Variants in ANKRD6 observed in about 807,000 individuals in gnomAD.
ANKRD6 encodes ankyrin repeat domain 6, also known as ankyrin repeat domain-containing protein 6.
In ANKRD6, 56 loss-of-function variants were observed where a neutral mutation model predicts 82.3. That is an observed-to-expected ratio of 0.68 (90% confidence interval 0.55 to 0.85). The LOEUF is 0.85. Among genes scored for constraint, ANKRD6 ranks in the 40% least tolerant of loss-of-function variants. The pLI is 0.00. For missense variants in ANKRD6, 852 were observed against 907.6 expected (o/e 0.94, Z 0.79); for synonymous variants, 347 against 352.1 (o/e 0.99, Z 0.16).
chr6:89,623,343 TG>T, intron 10 of ANKRD6, 66 bp from the exon 11 acceptor site: 1 of 1,526,752 alleles, frequency 6.5e-7, no homozygotes, highest in Non-Finnish European at 8.8e-7. Context: ...AAAGAATATT[TG>T]ACCATATTAG....
chr6:89,537,943 C>T (rs1784046287), intron 1 of ANKRD6, among the ~76,000 whole-genome samples: 1 of 149,836 alleles, frequency 6.7e-6, no homozygotes, highest in African/African-American at 2.5e-5. Flanking sequence ...ATGGACTTTA[C>T]ATGCCAATCC....
At chr6:89,492,624 G>A (rs1158485435) in intron 1 of ANKRD6, among the ~76,000 whole-genome samples, 1 of 152,118 alleles carries the variant, frequency 6.6e-6, no homozygotes, top group South Asian at 2.1e-4. Flanking sequence ...ATATATTTTT[G>A]TGGCATTTTA....
intron 1 of ANKRD6, among the ~76,000 whole-genome samples, chr6:89,504,159 G>A (rs1217042116): frequency 6.7e-6 from 1 of 150,276 alleles, no homozygotes; most frequent in Non-Finnish European, 1.5e-5. Context: ...AAGGAAGAAC[G>A]GAAACAGAAA....
intron 1 of ANKRD6, among the ~76,000 whole-genome samples, chr6:89,558,894 T>C (rs1013237597): frequency 1.3e-5 from 2 of 151,850 alleles, no homozygotes; most frequent in African/African-American, 4.8e-5. Flanking sequence ...GCTCTAAAAG[T>C]CTATCAGTGA....
At chr6:89,462,762 C>T (rs939562488) in intron 1 of ANKRD6, among the ~76,000 whole-genome samples, 2 of 151,898 alleles carry the variant, frequency 1.3e-5, no homozygotes, top group Admixed American at 6.6e-5. Context: ...TTTAACAAAT[C>T]TCTTAAGTTA....
At chr6:89,604,227 C>G (rs1218483684) in intron 4 of ANKRD6, among the ~76,000 whole-genome samples, 1 of 152,070 alleles carries the variant, frequency 6.6e-6, no homozygotes, top group Non-Finnish European at 1.5e-5. Context: ...ACTTGGGAGG[C>G]TGAGGCAGGA....
At chr6:89,546,920 C>T (rs1785168919) in intron 1 of ANKRD6, among the ~76,000 whole-genome samples, 1 of 152,122 alleles carries the variant, frequency 6.6e-6, no homozygotes, top group Admixed American at 6.5e-5. Context: ...TACAGGATAC[C>T]TGTTGAGCTG....
chr6:89,622,110 C>A, intron 10 of ANKRD6, 84 bp downstream of exon 10: 1 of 1,269,980 alleles, frequency 7.9e-7, no homozygotes, highest in Non-Finnish European at 1.1e-6. Flanking sequence ...CCAGGTTCAC[C>A]TGGTGGCTGC....
chr6:89,561,901 T>C (rs1162060052), intron 1 of ANKRD6, among the ~76,000 whole-genome samples: 1 of 152,202 alleles, frequency 6.6e-6, no homozygotes, highest in Non-Finnish European at 1.5e-5. Flanking sequence ...CAAAGCAGGA[T>C]TGCAGTCCAT....
intron 1 of ANKRD6, among the ~76,000 whole-genome samples, chr6:89,441,035 A>G (rs908194197): frequency 6.6e-6 from 1 of 152,188 alleles, no homozygotes; most frequent in African/African-American, 2.4e-5. Context: ...CTAGATACAA[A>G]ATTAGTATAA....
intron 3 of ANKRD6, chr6:89,597,960 G>T: frequency 3.5e-6 from 1 of 288,056 alleles, no homozygotes; most frequent in Non-Finnish European, 5.2e-6. Flanking sequence ...GAAAACTCTT[G>T]ATGTGTGTCC....
intron 10 of ANKRD6, among the ~76,000 whole-genome samples, chr6:89,623,023 G>T (rs1476069142): frequency 3.0e-5 from 2 of 67,646 alleles, no homozygotes; most frequent in Non-Finnish European, 6.6e-5. Flanking sequence ...AGTGGGGGGT[G>T]GGGGGGGCGG....
intron 5 of ANKRD6, among the ~76,000 whole-genome samples, chr6:89,609,706 G>A (rs1039229433): frequency 6.6e-6 from 1 of 152,058 alleles, no homozygotes; most frequent in Admixed American, 6.5e-5. Flanking sequence ...CTGCCTCCCG[G>A]GTTCAAGCTA....
intron 1 of ANKRD6, among the ~76,000 whole-genome samples, chr6:89,447,528 G>A (rs1772239983): frequency 1.3e-5 from 2 of 152,298 alleles, no homozygotes; most frequent in Admixed American, 1.3e-4. Context: ...ACATAAAAGT[G>A]CAAGGTAAAG....
In ANKRD6 at chr6:89,510,634, A is replaced by G. The variant is rs188899998; in HGVS notation, c.-143-56200A>G. Among the ~76,000 whole-genome samples, 8 of 152,266 alleles carry G rather than the reference A, an allele frequency of 5.3e-5. No homozygotes were observed. In the East Asian group the frequency reaches 1.4e-3, roughly 26 times the overall value. ...TGCAACAATCATCTCAATTAATTTTAGAAGACTTTCATCACCTCCAGAAGA... is the reference window on the plus strand; with the variant it reads ...TGCAACAATCATCTCAATTAATTTTGGAAGACTTTCATCACCTCCAGAAGA... On this transcript the variant is annotated intron_variant, in intron 1 of 15. Coordinates refer to ENST00000339746, the MANE Select transcript of ANKRD6 (RefSeq NM_001242809.2).
At chr6:89,583,807 T>G (rs1793117676) in intron 2 of ANKRD6, among the ~76,000 whole-genome samples, 1 of 152,238 alleles carries the variant, frequency 6.6e-6, no homozygotes, top group Non-Finnish European at 1.5e-5. Context: ...CCCACCTTAT[T>G]TACAGTGGTT....
At chr6:89,599,439 CA>C (rs1158551740) in intron 3 of ANKRD6, among the ~76,000 whole-genome samples, 2 of 152,136 alleles carry the variant, frequency 1.3e-5, no homozygotes, top group Non-Finnish European at 2.9e-5. Flanking sequence ...TACCTTTTCC[CA>C]GCATTTAAGA....
Position 89,623,865 on chromosome 6 carries a change from C to T in ANKRD6, c.1033-7C>T, listed in dbSNP as rs769632899. On this transcript the variant is annotated splice_polypyrimidine_tract_variant and splice_region_variant and intron_variant, in intron 11 of 15. Transcript: ENST00000339746. ...GTTCAGGGGTGTTGTCTCTTCCTCT[C>T]TTACAGGTGTCAGCATTTTCTGACC... 6.2e-7 allele frequency: 1 copy of T among 1,610,684 alleles called. No homozygotes were observed. The highest frequency in any genetic ancestry group is 1.7e-5 in the Admixed American group (1 of 59,882).
Position 89,468,460 on chromosome 6 carries a change from A to AT in ANKRD6, c.-144+35091dup, listed in dbSNP as rs1009566723. ...AACTTGAAGGTTTGTTGAGAATTACATTTTTTGTCTTAATTTTTCTATTTT... is the reference window on the plus strand; with the variant it reads ...AACTTGAAGGTTTGTTGAGAATTACATTTTTTTGTCTTAATTTTTCTATTTT... On this transcript the variant is annotated intron_variant, in intron 1 of 15. Coordinates refer to ENST00000339746, the MANE Select transcript of ANKRD6 (RefSeq NM_001242809.2). 1.4e-4 allele frequency among the ~76,000 whole-genome samples: 21 copies of AT among 152,134 alleles called. 1 individual carries two copies. The highest frequency in any genetic ancestry group is 1.4e-3 in the Admixed American group (21 of 15,274).
Sources: gnomAD v4.1 joint callset for allele counts (sites outside exome capture counted in the v4.1 genomes callset) on GRCh38, gnomAD v4.1.1 for gene constraint, MANE v1.5 for transcripts, NCBI Gene and HGNC (gene_info 2026-07-23, HGNC 2026-07-21) for gene names.